Variants in PSPH observed in about 807,000 individuals in gnomAD.
PSPH encodes L-3-phosphoserine phosphatase.
In PSPH, 16 loss-of-function variants were observed where a neutral mutation model predicts 23.4. That is an observed-to-expected ratio of 0.68 (90% CI 0.46 to 1.04). The LOEUF is 1.04. PSPH is among the 50% of genes least tolerant of loss of function. PSPH has a pLI of 0.00. For synonymous variants in PSPH, 68 were observed against 99.7 expected, an observed-to-expected ratio of 0.68 and a Z score of 1.89; for missense variants, 223 against 273.7, an observed-to-expected ratio of 0.81 and a Z score of 1.31.
At chr7:56,037,870 G>GC (rs1208916841) in intron 1 of PSPH, among the ~76,000 whole-genome samples, 5 of 151,482 alleles carry the variant, frequency 3.3e-5, no homozygotes, top group Admixed American at 2.0e-4. Flanking sequence ...GCACCACCAT[G>GC]CCCGGCTAAT....
intron 3 of PSPH, among the ~76,000 whole-genome samples, chr7:56,030,937 C>T (rs1263641733): frequency 2.7e-5 from 4 of 148,528 alleles, no homozygotes; most frequent in Non-Finnish European, 4.5e-5. Context: ...AGGGGCCGGG[C>T]GCGGTGGCTC....
In PSPH at chr7:56,015,890, G is replaced by A. The variant is rs574049983; in HGVS notation, c.422-719C>T. Among the ~76,000 whole-genome samples, 14 of 151,364 alleles carry A rather than the reference G, an allele frequency of 9.2e-5. No homozygotes were observed. In the South Asian group the frequency reaches 1.9e-3, roughly 20 times the overall value. ...CCAGGCTGGTCTCAAACTCCTGACC[G>A]CAGGTGATCAGACTTGCCTCGGCCT... is the stretch of plus-strand genomic sequence containing the variant. On this transcript the variant is annotated intron_variant, in intron 6 of 7. Transcript: ENST00000275605.
At chr7:56,050,164 C>CA (rs1267730075) in intron 1 of PSPH, among the ~76,000 whole-genome samples, 4 of 152,180 alleles carry the variant, frequency 2.6e-5, no homozygotes, top group African/African-American at 9.7e-5. Flanking sequence ...TTGTGATTCT[C>CA]AAATACACAA....
intron 3 of PSPH, among the ~76,000 whole-genome samples, chr7:56,028,154 C>T (rs183421735): frequency 6.6e-6 from 1 of 152,118 alleles, no homozygotes; most frequent in East Asian, 1.9e-4. Context: ...GAACATTAGG[C>T]CTGACTTACA....
chr7:56,027,211 C>CAAAAAA (rs11322718), intron 3 of PSPH, among the ~76,000 whole-genome samples: 5 of 115,440 alleles, frequency 4.3e-5, no homozygotes, highest in Admixed American at 8.6e-5. Context: ...GTCTCAAAAA[C>CAAAAAA]AAAAAAAAAA....
At chr7:56,049,684 C>T (rs928010825) in intron 1 of PSPH, among the ~76,000 whole-genome samples, 24 of 152,042 alleles carry the variant, frequency 1.6e-4, no homozygotes, top group African/African-American at 5.1e-4. Context: ...GTGATCCACC[C>T]GCTTCTGCCT....
At chr7:56,022,560 C>T (rs1466063471) in intron 3 of PSPH, among the ~76,000 whole-genome samples, 3 of 152,060 alleles carry the variant, frequency 2.0e-5, no homozygotes, top group African/African-American at 4.8e-5. Context: ...TGGAAGCTAC[C>T]CTATGGCTTG....
At chr7:56,038,488 C>T (rs372034300) in intron 1 of PSPH, among the ~76,000 whole-genome samples, 15 of 151,380 alleles carry the variant, frequency 9.9e-5, no homozygotes, top group African/African-American at 2.9e-4. Flanking sequence ...ACACTGAACA[C>T]GTGCAATTTC....
At chr7:56,046,078 G>T in intron 1 of PSPH, among the ~76,000 whole-genome samples, 1 of 152,098 alleles carries the variant, frequency 6.6e-6, no homozygotes, top group Non-Finnish European at 1.5e-5. Context: ...TCACAGCTAA[G>T]GAACACTCAG....
At chr7:56,038,941 C>T (rs1792110524) in intron 1 of PSPH, among the ~76,000 whole-genome samples, 2 of 151,928 alleles carry the variant, frequency 1.3e-5, no homozygotes, top group South Asian at 4.2e-4. Context: ...GTCAGGAGTT[C>T]AAGACCAGCC....
chr7:56,040,762 G>C (rs1448376409), intron 1 of PSPH, among the ~76,000 whole-genome samples: 1 of 152,014 alleles, frequency 6.6e-6, no homozygotes, highest in African/African-American at 2.4e-5. Context: ...AAAGTTACAT[G>C]GGAAGAGGCA....
At chr7:56,020,202 G>C (rs188857677) in intron 4 of PSPH, among the ~76,000 whole-genome samples, 149 of 139,336 alleles carry the variant, frequency 1.1e-3, no homozygotes, top group Middle Eastern at 3.9e-3. Context: ...CTGGATGACA[G>C]AGTTAAGATT....
chr7:56,027,999 C>T (rs980357742), intron 3 of PSPH, among the ~76,000 whole-genome samples: 5 of 145,288 alleles, frequency 3.4e-5, no homozygotes, highest in African/African-American at 1.3e-4. Flanking sequence ...TTCAAGGGTG[C>T]AGTGAGGCCA....
chr7:56,024,055 G>A (rs1789833157), intron 3 of PSPH, among the ~76,000 whole-genome samples: 2 of 151,940 alleles, frequency 1.3e-5, no homozygotes, highest in African/African-American at 4.8e-5. Flanking sequence ...GCCTCTCTAA[G>A]TAGCTGGGAC....
intron 3 of PSPH, among the ~76,000 whole-genome samples, chr7:56,027,326 T>G (rs1790345236): frequency 1.3e-5 from 2 of 152,134 alleles, no homozygotes; most frequent in South Asian, 4.1e-4. Flanking sequence ...CCAGGGACCC[T>G]GACACAAGAC....
At chr7:56,038,646 G>T (rs944820994) in intron 1 of PSPH, among the ~76,000 whole-genome samples, 1 of 151,874 alleles carries the variant, frequency 6.6e-6, no homozygotes, top group African/African-American at 2.4e-5. Context: ...ACCACCCTGG[G>T]CAACATACTA....
intron 3 of PSPH, among the ~76,000 whole-genome samples, chr7:56,023,585 G>C (rs1262109143): frequency 6.6e-6 from 1 of 151,892 alleles, no homozygotes; most frequent in East Asian, 1.9e-4. Context: ...AAAATCTTTG[G>C]ACTAGAATTA....
chr7:56,037,216 G>A (rs1265994567), intron 1 of PSPH, among the ~76,000 whole-genome samples: 3 of 149,554 alleles, frequency 2.0e-5, no homozygotes, highest in East Asian at 3.9e-4. Context: ...TTAGTGGAAT[G>A]ATAGGACATG....
At chr7:56,013,678 C>T (rs1788231767) in intron 7 of PSPH, among the ~76,000 whole-genome samples, 1 of 151,728 alleles carries the variant, frequency 6.6e-6, no homozygotes, top group African/African-American at 2.4e-5. Flanking sequence ...CTGTGATAAG[C>T]TATGATCGCA....
Sources: allele counts gnomAD v4.1 joint callset (sites outside exome capture counted in the v4.1 genomes callset), GRCh38; gene constraint gnomAD v4.1.1; transcripts MANE v1.5; gene names NCBI Gene and HGNC (gene_info 2026-07-23, HGNC 2026-07-21).